CNRIP1: variants seen among roughly 807,000 people sequenced by gnomAD.
CNRIP1 encodes the protein CB1 cannabinoid receptor-interacting protein 1.
CNRIP1 carries 10 observed loss-of-function variants against 15.2 expected under a neutral mutation model. The ratio of observed to expected loss-of-function variants is 0.66; its 90% CI spans 0.41 to 1.12. The LOEUF is 1.12. Ranked by LOEUF, CNRIP1 falls within the 50% of genes most tolerant of loss-of-function variation. The pLI is 0.00. For synonymous variants in CNRIP1, 91 were observed against 83.2 expected (o/e 1.09, Z -0.51); for missense variants, 211 against 214.7 (o/e 0.98, Z 0.11).
chr2:68,293,832 A>G lies in CNRIP1; in HGVS notation c.*30T>C. 2 of 1,602,720 alleles carry G rather than the reference A, an allele frequency of 1.2e-6. No individual in the cohort carries two copies. Among genetic ancestry groups the G allele is most frequent in the South Asian group, 2.2e-5 (2 of 90,682 alleles). ...TATCTAAAAGTAGATTTCTGAAAAG[A>G]TTGTCCAGTAGCATCAGAAAGAGCC... On this transcript the variant is annotated 3_prime_UTR_variant, in exon 3 of 3. Coordinates refer to ENST00000263655, the MANE Select transcript of CNRIP1 (RefSeq NM_015463.3).
At chr2:68,296,564 ATGTGTGTG>A (rs140524601) in intron 2 of CNRIP1, among the ~76,000 whole-genome samples, 1 of 151,016 alleles carries the variant, frequency 6.6e-6, no homozygotes, top group Non-Finnish European at 1.5e-5. Flanking sequence ...ATATATGTGT[ATGTGTGTG>A]TGTGTGTGTA....
intron 2 of CNRIP1, among the ~76,000 whole-genome samples, chr2:68,297,789 T>C (rs1199237685): frequency 6.6e-6 from 1 of 151,990 alleles, no homozygotes; most frequent in Non-Finnish European, 1.5e-5. Flanking sequence ...TACAGAGCAA[T>C]TAGGAATTTA....
At chr2:68,309,290 A>C (rs1326564420) in intron 2 of CNRIP1, among the ~76,000 whole-genome samples, 1 of 152,226 alleles carries the variant, frequency 6.6e-6, no homozygotes, top group African/African-American at 2.4e-5. Context: ...TGTTTTCCTC[A>C]GAAAAACATA....
intron 2 of CNRIP1, among the ~76,000 whole-genome samples, chr2:68,285,597 T>C (rs566723070): frequency 2.8e-5 from 4 of 140,706 alleles, no homozygotes; most frequent in African/African-American, 8.1e-5. Context: ...GAGGCTGCAG[T>C]GAGCCAACAT....
intron 2 of CNRIP1, among the ~76,000 whole-genome samples, chr2:68,314,385 A>T (rs1162542582): frequency 6.6e-6 from 1 of 152,132 alleles, no homozygotes; most frequent in Non-Finnish European, 1.5e-5. Context: ...ATTGTAAAAA[A>T]TAAGGTTTAG....
chr2:68,317,621 A>G (rs1184726524), intron 1 of CNRIP1, among the ~76,000 whole-genome samples: 2 of 151,840 alleles, frequency 1.3e-5, no homozygotes, highest in Non-Finnish European at 2.9e-5. Context: ...GTCCTCTAAT[A>G]TTTTTTTTCT....
intron 2 of CNRIP1, among the ~76,000 whole-genome samples, chr2:68,304,707 G>A (rs1265640746): frequency 1.3e-5 from 2 of 151,030 alleles, no homozygotes; most frequent in Non-Finnish European, 2.9e-5. Flanking sequence ...TGCAAGCTCC[G>A]CCTCCAAGGT....
intron 2 of CNRIP1, among the ~76,000 whole-genome samples, chr2:68,304,096 C>G (rs754967302): frequency 1.3e-5 from 2 of 150,034 alleles, no homozygotes; most frequent in Non-Finnish European, 3.0e-5. Context: ...AAAAAACAAA[C>G]AAAAAAGCCA....
At chr2:68,318,055 T>C (rs1172776763) in intron 1 of CNRIP1, among the ~76,000 whole-genome samples, 1 of 145,558 alleles carries the variant, frequency 6.9e-6, no homozygotes, top group Admixed American at 6.8e-5. Context: ...ACTCCGGGGA[T>C]AAGGTTGGCA....
chr2:68,306,483 A>G (rs1671850688), intron 2 of CNRIP1, among the ~76,000 whole-genome samples: 1 of 152,198 alleles, frequency 6.6e-6, no homozygotes, highest in Non-Finnish European at 1.5e-5. Context: ...ATCATGGTAT[A>G]AAGATTACAA....
At chr2:68,307,415 G>A (rs1252539817) in intron 2 of CNRIP1, among the ~76,000 whole-genome samples, 1 of 152,178 alleles carries the variant, frequency 6.6e-6, no homozygotes, top group East Asian at 1.9e-4. Flanking sequence ...TTGAATGCCT[G>A]GGCTGGAGTA....
chr2:68,311,723 C>A (rs896477611), intron 2 of CNRIP1, among the ~76,000 whole-genome samples: 2 of 142,754 alleles, frequency 1.4e-5, no homozygotes, highest in Non-Finnish European at 3.0e-5. Flanking sequence ...TTCAGTAAAC[C>A]GAGATTGCAC....
chr2:68,298,694 A>G (rs1671480601), intron 2 of CNRIP1, among the ~76,000 whole-genome samples: 1 of 152,208 alleles, frequency 6.6e-6, no homozygotes, highest in East Asian at 1.9e-4. Context: ...GCTGGTAACT[A>G]TGCATATGTC....
intron 2 of CNRIP1, among the ~76,000 whole-genome samples, chr2:68,314,786 C>T (rs879826254): frequency 1.1e-4 from 17 of 151,874 alleles, no homozygotes; most frequent in Non-Finnish European, 2.5e-4. Flanking sequence ...TGAAACTGAC[C>T]TTTGGAGAAG....
At chr2:68,296,564 ATGTG>A (rs140524601) in intron 2 of CNRIP1, among the ~76,000 whole-genome samples, 1 of 151,016 alleles carries the variant, frequency 6.6e-6, no homozygotes, top group Non-Finnish European at 1.5e-5. Flanking sequence ...ATATATGTGT[ATGTG>A]TGTGTGTGTG....
At chr2:68,292,198 C>A (rs957985187), downstream of CNRIP1, among the ~76,000 whole-genome samples, 6 of 151,936 alleles carry the variant, frequency 3.9e-5, no homozygotes, top group African/African-American at 1.5e-4. Flanking sequence ...TTAGTACTTA[C>A]GTTTTAGCAA....
intron 2 of CNRIP1, among the ~76,000 whole-genome samples, chr2:68,309,505 A>G (rs1246230494): frequency 6.6e-6 from 1 of 152,230 alleles, no homozygotes; most frequent in Non-Finnish European, 1.5e-5. Flanking sequence ...TCACAAAGCT[A>G]TTAACCCTAA....
At chr2:68,310,243 G>A (rs1293836597) in intron 2 of CNRIP1, among the ~76,000 whole-genome samples, 1 of 152,304 alleles carries the variant, frequency 6.6e-6, no homozygotes. Flanking sequence ...CAGGAGAATC[G>A]CTTGAACCTG....
At chr2:68,316,915 CCAGAACCAT>C (rs962607409) in intron 2 of CNRIP1, 6 of 619,694 alleles carry the variant, frequency 9.7e-6, no homozygotes, top group Non-Finnish European at 1.4e-5. Context: ...TCTGTCTCTT[CCAGAACCAT>C]CTGCTTCTGC....
Sources: allele counts gnomAD v4.1 joint callset (sites outside exome capture counted in the v4.1 genomes callset), GRCh38; gene constraint gnomAD v4.1.1; transcripts MANE v1.5; gene names NCBI Gene and HGNC (gene_info 2026-07-23, HGNC 2026-07-21).